AK9: variants seen among roughly 807,000 people sequenced by gnomAD.
AK9 encodes the protein adenylate kinase 9.
AK9 carries 191 observed loss-of-function variants against 239.6 expected under a neutral mutation model. The ratio of observed to expected loss-of-function variants is 0.80; its 90% CI spans 0.71 to 0.90. The LOEUF is 0.90. Among genes scored for constraint, AK9 ranks in the 40% least tolerant of loss-of-function variants. The probability of loss-of-function intolerance (pLI) is 0.00; values close to 1 mark genes in which losing one functional copy is unlikely to be tolerated. For missense variants in AK9, 1,995 were observed against 2,214.7 expected (o/e 0.90, Z 1.99); for synonymous variants, 689 against 721.0 (o/e 0.96, Z 0.71).
chr6:109,585,865 T>C (rs1789443791), intron 18 of AK9, 51 bp downstream of exon 18: 1 of 1,494,874 alleles, frequency 6.7e-7, no homozygotes, highest in Non-Finnish European at 9.0e-7. Flanking sequence ...TAACCAAAAA[T>C]ATCAATAACA....
intron 29 of AK9, among the ~76,000 whole-genome samples, chr6:109,517,120 G>C (rs1390605190): frequency 2.0e-5 from 3 of 152,078 alleles, no homozygotes; most frequent in Admixed American, 6.5e-5. Context: ...TTTTCTGCCT[G>C]GCTCCTGGTG....
intron 35 of AK9, among the ~76,000 whole-genome samples, chr6:109,500,034 T>TACACACACACAC (rs36086518): frequency 0.015 from 2,091 of 141,414 alleles, 20 homozygotes; most frequent in South Asian, 0.041. Flanking sequence ...ATATATATGA[T>TACACACACACAC]ACACACACAC....
chr6:109,614,076 A>G, intron 15 of AK9, 107 bp downstream of exon 15: 1 of 1,108,124 alleles, frequency 9.0e-7, no homozygotes. Flanking sequence ...TTCCTCCTGA[A>G]GTTTCCAATT....
intron 12 of AK9, among the ~76,000 whole-genome samples, chr6:109,630,141 TAGAG>T (rs888252000): frequency 1.3e-5 from 2 of 152,116 alleles, no homozygotes; most frequent in African/African-American, 2.4e-5. Context: ...TACAAGATAA[TAGAG>T]AGAAGTTTTA....
chr6:109,590,412 T>A (rs1790056633), intron 17 of AK9, among the ~76,000 whole-genome samples: 1 of 152,214 alleles, frequency 6.6e-6, no homozygotes, highest in Admixed American at 6.5e-5. Context: ...TCAGTTGTAA[T>A]GACACCTTTA....
chr6:109,685,369 C>CATATAT (rs576303502), intron 1 of AK9, among the ~76,000 whole-genome samples: 64 of 152,240 alleles, frequency 4.2e-4, no homozygotes, highest in African/African-American at 1.3e-3. Context: ...GAAAATGTGG[C>CATATAT]ATATATACAC....
chr6:109,654,808 A>G (rs2128308843), intron 8 of AK9, among the ~76,000 whole-genome samples: 1 of 152,328 alleles, frequency 6.6e-6, no homozygotes, highest in South Asian at 2.1e-4. Flanking sequence ...AGTTTGCAGA[A>G]TGTATACCAG....
intron 9 of AK9, 85 bp from the exon 10 acceptor site, chr6:109,641,701 A>C (rs7744981): frequency 0.65 from 752,747 of 1,166,770 alleles, 248,267 homozygotes; most frequent in East Asian, 0.85. Flanking sequence ...ATGAGCCAAG[A>C]CCATGCTCCC....
intron 12 of AK9, among the ~76,000 whole-genome samples, chr6:109,621,352 G>T (rs1373054991): frequency 2.6e-5 from 1 of 38,876 alleles, no homozygotes; most frequent in Non-Finnish European, 5.1e-5. Flanking sequence ...CAGGGATCTA[G>T]AACTAGAAAT....
At chr6:109,561,152 C>T (rs1785705646) in intron 24 of AK9, among the ~76,000 whole-genome samples, 1 of 152,100 alleles carries the variant, frequency 6.6e-6, no homozygotes, top group Admixed American at 6.5e-5. Flanking sequence ...CGGGGTTTCA[C>T]CATGTTGGTC....
At chr6:109,650,057 T>C (rs866619064) in intron 8 of AK9, among the ~76,000 whole-genome samples, 4 of 152,224 alleles carry the variant, frequency 2.6e-5, no homozygotes, top group African/African-American at 9.7e-5. Flanking sequence ...ACTGGATCTC[T>C]TCCTTACACC....
intron 5 of AK9, among the ~76,000 whole-genome samples, chr6:109,667,394 T>G: frequency 6.6e-6 from 1 of 152,094 alleles, no homozygotes; most frequent in East Asian, 1.9e-4. Flanking sequence ...TTTTTTCTTT[T>G]GTTTTATTTT....
intron 24 of AK9, among the ~76,000 whole-genome samples, chr6:109,551,798 G>C (rs1784400133): frequency 6.7e-6 from 1 of 148,644 alleles, no homozygotes; most frequent in African/African-American, 2.5e-5. Flanking sequence ...TACATGTGCA[G>C]AACGTGCAGG....
intron 17 of AK9, among the ~76,000 whole-genome samples, chr6:109,587,049 C>T (rs1198539447): frequency 3.3e-5 from 5 of 151,954 alleles, no homozygotes; most frequent in Admixed American, 2.0e-4. Context: ...CTGAGGCAAT[C>T]CTCCCCCTTT....
intron 9 of AK9, 181 bp downstream of exon 9, chr6:109,644,433 T>C (rs560672501): frequency 1.7e-5 from 8 of 466,366 alleles, no homozygotes; most frequent in Non-Finnish European, 2.8e-5. Context: ...AATGTAGTTT[T>C]GATTTTAAAA....
At chr6:109,565,711 G>A (rs1231479362) in intron 21 of AK9, among the ~76,000 whole-genome samples, 4 of 152,142 alleles carry the variant, frequency 2.6e-5, no homozygotes, top group Admixed American at 1.3e-4. Context: ...CTAATTATCT[G>A]TCTTTTCATC....
In AK9 at chr6:109,622,045, T is replaced by C. The variant is rs1289855675; in HGVS notation, c.1255-2809A>G. Among the ~76,000 whole-genome samples, 2 of 146,912 alleles carry C rather than the reference T, an allele frequency of 1.4e-5. 1 individual carries two copies. The highest frequency in any genetic ancestry group is 4.9e-5 in the African/African-American group (2 of 40,430). ...AGTTGCAAAAATGTATATATCAAAA[T>C]ATAGATAATACATGTGTATTATATA... On this transcript the variant is annotated intron_variant, in intron 12 of 40. Coordinates refer to ENST00000424296, the MANE Select transcript of AK9 (RefSeq NM_001145128.3).
chr6:109,644,605 T>G lies in AK9; in HGVS notation c.834+9A>C. On this transcript the variant is annotated intron_variant, in intron 9 of 40. Coordinates refer to ENST00000424296, the MANE Select transcript of AK9 (RefSeq NM_001145128.3). The stretch of plus-strand genomic sequence containing the variant: ...GCTGTGAAGTATTCCTGCTTAACAC[T>G]GCACTCACCATAAAGAGCTCCTCTG... The G allele has an allele frequency of 6.2e-7, 1 of 1,607,122 alleles. No individual in the cohort carries two copies. The highest frequency in any genetic ancestry group is 8.5e-7 in the Non-Finnish European group (1 of 1,176,452).
At chr6:109,567,534 T>C (rs192223417) in intron 21 of AK9, among the ~76,000 whole-genome samples, 171 of 152,254 alleles carry the variant, frequency 1.1e-3, no homozygotes, top group African/African-American at 3.9e-3. Flanking sequence ...CTTATGAAAC[T>C]ATTCCAATCA....
Sources: gnomAD v4.1 joint callset for allele counts (sites outside exome capture counted in the v4.1 genomes callset) on GRCh38, gnomAD v4.1.1 for gene constraint, MANE v1.5 for transcripts, NCBI Gene and HGNC (gene_info 2026-07-23, HGNC 2026-07-21) for gene names.